PRKAR1A: variants seen among roughly 807,000 people sequenced by gnomAD.
PRKAR1A encodes the protein protein kinase cAMP-dependent type I regulatory subunit alpha.
In PRKAR1A, 3 loss-of-function variants were observed where a neutral mutation model predicts 52.0. The ratio of observed to expected loss-of-function variants is 0.06; its 90% CI spans 0.03 to 0.15. The LOEUF is 0.15. Among genes scored for constraint, PRKAR1A ranks in the 10% least tolerant of loss-of-function variants. PRKAR1A has a pLI of 1.00. For synonymous variants in PRKAR1A, 188 were observed against 168.4 expected, an observed-to-expected ratio of 1.12 and a Z score of -0.90; for missense variants, 240 against 477.4, an observed-to-expected ratio of 0.50 and a Z score of 4.63.
At chr17:68,442,617 C>T in the PRKAR1A span, among the ~76,000 whole-genome samples, 65 of 152,284 alleles carry the variant, frequency 4.3e-4, no homozygotes, top group African/African-American at 1.4e-3. Context: ...AAACTGAGAG[C>T]CACAGGCAGC....
At chr17:68,511,207 G>A (rs905364956), upstream of PRKAR1A, among the ~76,000 whole-genome samples, 2 of 152,034 alleles carry the variant, frequency 1.3e-5, no homozygotes, top group Non-Finnish European at 2.9e-5. Context: ...TTTTTGTATT[G>A]TGTTGAATCC....
chr17:68,511,264 T>TA (rs1201347067), upstream of PRKAR1A, among the ~76,000 whole-genome samples: 2 of 152,178 alleles, frequency 1.3e-5, no homozygotes, highest in African/African-American at 4.8e-5. Flanking sequence ...ACAATGCTAC[T>TA]AAAGCAGCCC....
At chr17:68,426,298 C>T in the PRKAR1A span, 1 of 760,218 alleles carries the variant, frequency 1.3e-6, no homozygotes. Context: ...TCTGTCTTCC[C>T]CCTGGAGGTA....
chr17:68,425,463 C>T, the PRKAR1A span, among the ~76,000 whole-genome samples: 1 of 150,852 alleles, frequency 6.6e-6, no homozygotes, highest in South Asian at 2.1e-4. Context: ...TCAAGCAATC[C>T]TCCAGCCTCG....
rs1286027741 is a variant in PRKAR1A at position 68,532,789 on chromosome 17, CT to C, written c.*2343del. 7 of 1,066,318 alleles carry C rather than the reference CT, an allele frequency of 6.6e-6. No homozygotes were observed. The highest frequency in any genetic ancestry group is 1.6e-5 in the African/African-American group (1 of 61,084). The allele number at this position is 1,066,318 out of a possible 1,614,324, so 66.1% of individuals were successfully genotyped here. Reference sequence around the variant, plus strand: ...TCTTAAATGAATCAGTTTTTCTTCCCTTTCTCCTTTCCGTCTTTCCTCTCTC... The same window carrying C: ...TCTTAAATGAATCAGTTTTTCTTCCCTTCTCCTTTCCGTCTTTCCTCTCTC... On this transcript the variant is annotated 3_prime_UTR_variant, in exon 11 of 11. Coordinates refer to ENST00000589228, the MANE Select transcript of PRKAR1A (RefSeq NM_002734.5).
chr17:68,497,350 C>T, the PRKAR1A span, among the ~76,000 whole-genome samples: 105 of 152,068 alleles, frequency 6.9e-4, 1 homozygote, highest in East Asian at 0.015. Flanking sequence ...CCTATTTGAC[C>T]GTTGACAGAA....
intron 11 of PRKAR1A, among the ~76,000 whole-genome samples, chr17:68,547,640 C>T (rs1329234003): frequency 6.6e-6 from 1 of 152,248 alleles, no homozygotes; most frequent in Non-Finnish European, 1.5e-5. Context: ...GCAGCTTTCT[C>T]ACCTGTCTCA....
At chr17:68,454,802 A>G in the PRKAR1A span, among the ~76,000 whole-genome samples, 1 of 152,238 alleles carries the variant, frequency 6.6e-6, no homozygotes, top group Admixed American at 6.5e-5. Context: ...TTATAACATT[A>G]ATGCAAAGTG....
chr17:68,422,228 C>G, the PRKAR1A span: 1 of 170,228 alleles, frequency 5.9e-6, no homozygotes. Flanking sequence ...GAGTTTGAGA[C>G]CAGCCTGGCC....
At chr17:68,519,517 C>T (rs551300488) in intron 2 of PRKAR1A, among the ~76,000 whole-genome samples, 22 of 152,312 alleles carry the variant, frequency 1.4e-4, no homozygotes, top group Non-Finnish European at 2.1e-4. Flanking sequence ...GTCCCTCCCA[C>T]AATATGTGGG....
chr17:68,434,611 C>G, the PRKAR1A span: 1 of 1,614,036 alleles, frequency 6.2e-7, no homozygotes, highest in Non-Finnish European at 8.5e-7. Flanking sequence ...ACAGAGAACA[C>G]CCGGATGACT....
chr17:68,545,612 T>C (rs1013639154), intron 11 of PRKAR1A, among the ~76,000 whole-genome samples: 1 of 152,302 alleles, frequency 6.6e-6, no homozygotes, highest in African/African-American at 2.4e-5. Flanking sequence ...GTGGCAACTT[T>C]TAAAAATAAG....
the PRKAR1A span, among the ~76,000 whole-genome samples, chr17:68,486,498 CTTCCTTCCTTCTTTCTTTCT>C: frequency 0.012 from 500 of 40,052 alleles, 1 homozygote; most frequent in Middle Eastern, 0.033. Context: ...TCCTTCCTTC[CTTCCTTCCTTCTTTCTTTCT>C]TTCTTTCTTT....
chr17:68,548,276 T>C (rs2086659975), intron 11 of PRKAR1A, among the ~76,000 whole-genome samples: 1 of 151,532 alleles, frequency 6.6e-6, no homozygotes. Context: ...ACGCCTATAA[T>C]CCCAGCACTT....
At chr17:68,419,690 T>C in the PRKAR1A span, among the ~76,000 whole-genome samples, 39 of 152,012 alleles carry the variant, frequency 2.6e-4, no homozygotes, top group East Asian at 7.2e-3. Flanking sequence ...GTGGCTGCAG[T>C]GGTTCCTGCT....
Position 68,531,356 on chromosome 17 carries a change from A to T in PRKAR1A, c.*907A>T. The T allele has an allele frequency of 1.9e-6, 2 of 1,065,908 alleles. No individual in the cohort carries two copies. Among genetic ancestry groups the T allele is most frequent in the Non-Finnish European group, 2.3e-6 (2 of 879,524 alleles). The allele number at this position is 1,065,908 out of a possible 1,614,324, so 66.0% of individuals were successfully genotyped here. A position where few individuals can be genotyped will look rare whatever the true frequency, so the allele number is the denominator to read the frequency against. On this transcript the variant is annotated 3_prime_UTR_variant, in exon 11 of 11. Transcript: ENST00000589228. ...TATGTCCTTCAGCTGACTCCAGTATAATCTCCTCTGCTCATTAAACTGATT... is the reference window on the plus strand; with the variant it reads ...TATGTCCTTCAGCTGACTCCAGTATTATCTCCTCTGCTCATTAAACTGATT...
the PRKAR1A span, among the ~76,000 whole-genome samples, chr17:68,463,414 CATTT>C: frequency 1.3e-3 from 192 of 152,322 alleles, no homozygotes; most frequent in Non-Finnish European, 2.5e-3. Flanking sequence ...TCCATTCATT[CATTT>C]GACCAATTTT....
chr17:68,433,599 T>G, the PRKAR1A span: 1 of 1,595,102 alleles, frequency 6.3e-7, no homozygotes, highest in Non-Finnish European at 8.6e-7. Flanking sequence ...AACACATGGG[T>G]CAGTGAGCAA....
At chr17:68,542,133 A>G (rs1600526435) in intron 11 of PRKAR1A, 2 of 1,614,078 alleles carry the variant, frequency 1.2e-6, no homozygotes, top group South Asian at 1.1e-5. Flanking sequence ...TTGCACATGT[A>G]TGGACACTTG....
Sources: gnomAD v4.1 joint callset for allele counts (sites outside exome capture counted in the v4.1 genomes callset) on GRCh38, gnomAD v4.1.1 for gene constraint, MANE v1.5 for transcripts, NCBI Gene and HGNC (gene_info 2026-07-23, HGNC 2026-07-21) for gene names.